The following FNBP1 variants were observed in gnomAD, a reference collection of about 807,000 sequenced individuals.
FNBP1 encodes formin-binding protein 1.
Under a neutral mutation model 90.6 loss-of-function variants are expected in FNBP1, and 26 were observed. That is an observed-to-expected ratio of 0.29 (90% CI 0.21 to 0.40). The LOEUF is 0.40. FNBP1 is among the 10% of genes least tolerant of loss of function. The pLI is 1.00. For missense variants in FNBP1, 635 were observed against 768.0 expected (o/e 0.83, Z 2.05); for synonymous variants, 260 against 265.2 (o/e 0.98, Z 0.19).
At chr9:130,048,475 T>G in the FNBP1 span, among the ~76,000 whole-genome samples, 4 of 144,486 alleles carry the variant, frequency 2.8e-5, no homozygotes, top group African/African-American at 1.0e-4. Context: ...ACTTTCCTTC[T>G]CTAAGCCTCA....
intron 11 of FNBP1, among the ~76,000 whole-genome samples, chr9:129,912,491 C>T (rs188145302): frequency 5.9e-5 from 9 of 151,460 alleles, no homozygotes; most frequent in East Asian, 2.0e-4. Flanking sequence ...GAGTTTGAGA[C>T]GAGCCTGACC....
At chr9:129,923,705 G>A (rs1020416276) in intron 10 of FNBP1, 139 bp downstream of exon 10, 19 of 938,436 alleles carry the variant, frequency 2.0e-5, no homozygotes, top group Non-Finnish European at 2.8e-5. Flanking sequence ...AGCTATAATG[G>A]TTTTTGTTTT....
At chr9:129,924,910 G>C (rs762123514) in intron 9 of FNBP1, 50 bp downstream of exon 9, 1 of 1,481,272 alleles carries the variant, frequency 6.8e-7, no homozygotes, top group Non-Finnish European at 9.2e-7. Context: ...AAAAGATCAA[G>C]TCAAAATCTC....
chr9:129,986,297 AAC>A (rs1440573994), intron 2 of FNBP1, among the ~76,000 whole-genome samples: 2 of 152,158 alleles, frequency 1.3e-5, no homozygotes, highest in Non-Finnish European at 2.9e-5. Context: ...ACTTAGTAAA[AAC>A]ACAAAGGCAA....
chr9:130,009,578 G>A (rs976740252), intron 1 of FNBP1, among the ~76,000 whole-genome samples: 1 of 152,032 alleles, frequency 6.6e-6, no homozygotes, highest in African/African-American at 2.4e-5. Context: ...CAAGGCGGGC[G>A]GATCACAAGG....
intron 2 of FNBP1, among the ~76,000 whole-genome samples, chr9:129,985,286 C>T (rs956029957): frequency 3.7e-5 from 5 of 136,304 alleles, no homozygotes; most frequent in South Asian, 2.2e-4. Flanking sequence ...AACAAACACA[C>T]GCCAGGTGTT....
chr9:129,981,287 C>T (rs1033528668), intron 2 of FNBP1, among the ~76,000 whole-genome samples: 15 of 152,024 alleles, frequency 9.9e-5, no homozygotes, highest in Non-Finnish European at 1.5e-4. Flanking sequence ...CGGGGTTTCA[C>T]CACGTTGGCC....
intron 11 of FNBP1, among the ~76,000 whole-genome samples, chr9:129,910,692 A>C (rs1215762975): frequency 6.6e-6 from 1 of 152,050 alleles, no homozygotes; most frequent in Non-Finnish European, 1.5e-5. Flanking sequence ...ATGTGGGCTT[A>C]TGACTGGGTT....
intron 4 of FNBP1, among the ~76,000 whole-genome samples, chr9:129,970,752 T>C (rs1351526387): frequency 6.6e-6 from 1 of 152,196 alleles, no homozygotes; most frequent in Non-Finnish European, 1.5e-5. Flanking sequence ...AGGACCTCCT[T>C]GTCCAGGGCT....
intron 11 of FNBP1, chr9:129,910,211 G>A (rs1313381061): frequency 4.4e-6 from 2 of 455,906 alleles, no homozygotes; most frequent in South Asian, 3.1e-5. Context: ...TGCTGGGCAC[G>A]GTGGCTCATG....
At chr9:129,954,120 G>A (rs2046579782) in intron 6 of FNBP1, among the ~76,000 whole-genome samples, 1 of 151,808 alleles carries the variant, frequency 6.6e-6, no homozygotes, top group Admixed American at 6.6e-5. Flanking sequence ...AGTAAATAGG[G>A]GAGATATATG....
At chr9:129,911,476 A>G (rs2039265270) in intron 11 of FNBP1, among the ~76,000 whole-genome samples, 1 of 152,164 alleles carries the variant, frequency 6.6e-6, no homozygotes, top group Non-Finnish European at 1.5e-5. Context: ...AATCATGTCT[A>G]TCTGATGAAG....
At chr9:129,906,876 T>C (rs1360859468) in intron 12 of FNBP1, among the ~76,000 whole-genome samples, 1 of 152,090 alleles carries the variant, frequency 6.6e-6, no homozygotes, top group Non-Finnish European at 1.5e-5. Context: ...GACTCCCTGG[T>C]TGAAGGGATT....
At chr9:130,012,970 T>C (rs2056812224) in intron 1 of FNBP1, among the ~76,000 whole-genome samples, 1 of 151,550 alleles carries the variant, frequency 6.6e-6, no homozygotes, top group Non-Finnish European at 1.5e-5. Flanking sequence ...CATCAAAAAG[T>C]GTACACCATA....
At chr9:130,014,642 C>T (rs2057033966) in intron 1 of FNBP1, among the ~76,000 whole-genome samples, 1 of 152,092 alleles carries the variant, frequency 6.6e-6, no homozygotes, top group African/African-American at 2.4e-5. Context: ...TACATATTTT[C>T]ATACATTCTT....
chr9:129,998,275 G>A (rs560895488), intron 1 of FNBP1, among the ~76,000 whole-genome samples: 249 of 151,608 alleles, frequency 1.6e-3, no homozygotes, highest in Non-Finnish European at 2.6e-3. Flanking sequence ...AGGCTGAGGC[G>A]GGAGGATCAG....
At chr9:130,006,817 T>C (rs2055778907) in intron 1 of FNBP1, among the ~76,000 whole-genome samples, 1 of 152,150 alleles carries the variant, frequency 6.6e-6, no homozygotes, top group South Asian at 2.1e-4. Context: ...CTCTTTGTAG[T>C]TGCATTCTGA....
chr9:129,900,095 A>T lies in FNBP1; in HGVS notation c.1557T>A (p.Asp519Glu), dbSNP rs757427206. 5.0e-6 allele frequency: 8 copies of T among 1,606,718 alleles called. No individual in the cohort carries two copies. The African/African-American group carries it at 8.1e-5, about 16-fold the overall frequency. The change falls in exon 15 of 17, where the codon GAT becomes GAA. Residue 519 changes from aspartate to glutamate, a missense_variant. By Grantham distance (45) the Asp-to-Glu change is conservative. Coordinates refer to ENST00000446176, the MANE Select transcript of FNBP1 (RefSeq NM_015033.3). This position sits in a 1 kb window ranked among gnomAD's most constrained non-coding sequence, Gnocchi z 4.1. The part of the protein sequence containing the change: ...NNCAQDRESP[D>E]GSYTEEQSQE... ...GACTCTGCTCCTCTGTGTAACTGCC[A>T]TCTGGGCTGCTCAAGAAAGGAAAAC...
At chr9:129,953,933 A>T (rs1451150338) in intron 6 of FNBP1, among the ~76,000 whole-genome samples, 1 of 152,052 alleles carries the variant, frequency 6.6e-6, no homozygotes, top group Non-Finnish European at 1.5e-5. Context: ...GGCTGGGCAC[A>T]GTGGTTCATG....
Sources: gnomAD v4.1 joint callset for allele counts (sites outside exome capture counted in the v4.1 genomes callset) on GRCh38, gnomAD v4.1.1 for gene constraint, Gnocchi (gnomAD v3.1) non-coding constraint, MANE v1.5 for transcripts, NCBI Gene and HGNC (gene_info 2026-07-23, HGNC 2026-07-21) for gene names.